XPNPEP1: variants seen among roughly 807,000 people sequenced by gnomAD.
The protein encoded by XPNPEP1 is xaa-Pro aminopeptidase 1.
In XPNPEP1, 39 loss-of-function variants were observed where a neutral mutation model predicts 92.4. The ratio of observed to expected loss-of-function variants is 0.42; its 90% confidence interval spans 0.33 to 0.55. The LOEUF is 0.55. Ranked by LOEUF, XPNPEP1 falls within the 20% of genes least tolerant of loss-of-function variation. The pLI is 0.08. For missense variants in XPNPEP1, 654 were observed against 856.1 expected, an observed-to-expected ratio of 0.76 and a Z score of 2.95; for synonymous variants, 307 against 299.4, an observed-to-expected ratio of 1.03 and a Z score of -0.26.
chr10:109,886,141 A>T, intron 8 of XPNPEP1, 105 bp downstream of exon 8: 1 of 1,129,496 alleles, frequency 8.9e-7, no homozygotes, highest in Non-Finnish European at 1.3e-6. Flanking sequence ...TCTTCTTCTT[A>T]TTCCCTGGCC....
chr10:109,920,766 A>C (rs1850495258), intron 1 of XPNPEP1, among the ~76,000 whole-genome samples: 1 of 152,054 alleles, frequency 6.6e-6, no homozygotes, highest in African/African-American at 2.4e-5. Context: ...GTCTGGTCTC[A>C]AACTCCTGGC....
Position 109,865,289 on chromosome 10 carries a change from G to C in XPNPEP1, c.1896C>G (p.His632Gln). 6.2e-7 allele frequency: 1 copy of C among 1,614,194 alleles called. No homozygotes were observed. Among genetic ancestry groups the C allele is most frequent in the Non-Finnish European group, 8.5e-7 (1 of 1,180,038 alleles). The change falls in exon 21 of 21, where the codon CAC becomes CAG. Residue 632 changes from histidine (H) to glutamine (Q), a missense_variant. Physicochemically the swap from His to Gln is conservative, Grantham distance 24. Coordinates refer to ENST00000502935, the MANE Select transcript of XPNPEP1 (RefSeq NM_020383.4). ...DKECDWLNNY[H>Q]LTCRDVIGKE... ...TCCCAATCACATCCCTGCAGGTCAG[G>C]TGGTAATTGTTGAGCCAGTCGCACT...
intron 3 of XPNPEP1, among the ~76,000 whole-genome samples, chr10:109,900,898 T>C (rs1308255668): frequency 6.6e-6 from 1 of 152,194 alleles, no homozygotes; most frequent in Non-Finnish European, 1.5e-5. Flanking sequence ...ACCCATGGTA[T>C]TTCTTACCAT....
rs770175349 is a variant in XPNPEP1 at position 109,877,807 on chromosome 10, G to A, written c.1302C>T (p.Gly434=). The A allele has an allele frequency of 2.3e-5, 37 of 1,614,232 alleles. 1 individual carries two copies. The South Asian group carries it at 2.4e-4, about 11-fold the overall frequency. ...TGCCTTACGCGTAGTGAATGATGGC[G>A]CCGTTGGGTCCCGTACTGGAAATTG... ...FPTISSTGPN[G]AIIHYAPVPE... Residue 434 remains glycine, a synonymous_variant, in exon 14 of 21, where the codon GGC becomes GGT. Transcript: ENST00000502935.
chr10:109,884,166 A>G lies in XPNPEP1; in HGVS notation c.749-18T>C. On this transcript the variant is annotated intron_variant, in intron 8 of 20. Transcript: ENST00000502935. ...AAATAGCCCTAGAAAAGAAATCAAA[A>G]TCCCTGTCACCTGTCTGACTTAAGA... 6.2e-7 allele frequency: 1 copy of G among 1,611,866 alleles called. No individual in the cohort carries two copies.
intron 3 of XPNPEP1, among the ~76,000 whole-genome samples, chr10:109,906,156 C>A (rs1849547761): frequency 6.6e-6 from 1 of 152,106 alleles, no homozygotes; most frequent in Non-Finnish European, 1.5e-5. Flanking sequence ...GACTGGTGGA[C>A]CCCCATTACT....
Position 109,865,021 on chromosome 10 carries a change from TA to T in XPNPEP1, c.*162del. On this transcript the variant is annotated 3_prime_UTR_variant, in exon 21 of 21. Transcript: ENST00000502935. ...ATCATAAAAGACTGAGTGTTTGCAA[TA>T]AAATATCAAAGAGGATAAGAAGATT... 1 of 1,025,622 alleles carries T rather than the reference TA, an allele frequency of 9.8e-7. No homozygotes were observed. Among genetic ancestry groups the T allele is most frequent in the Non-Finnish European group, 1.4e-6 (1 of 717,936 alleles). The allele number at this position is 1,025,622 out of a possible 1,614,324, so 63.5% of individuals were successfully genotyped here.
chr10:109,870,812 T>A lies in XPNPEP1; in HGVS notation c.1615A>T (p.Asn539Tyr), dbSNP rs556970182. The change falls in exon 18 of 21, where the codon AAT (asparagine) becomes TAT (tyrosine). Residue 539 changes from asparagine to tyrosine, a missense_variant. Physicochemically the swap from Asn to Tyr is moderately radical, Grantham distance 143. Transcript: ENST00000502935. The part of the protein sequence containing the change: ...GTGHGVGSFL[N>Y]VHEGPCGISY... ...ATGCCGCAAGGACCCTCATGGACAT[T>A]CAAAAAAGACCCAACACCATGTCCA... The A allele has an allele frequency of 6.4e-5, 103 of 1,613,992 alleles. 2 individuals are homozygous for A. The South Asian group carries it at 1.0e-3, about 16-fold the overall frequency.
intron 1 of XPNPEP1, among the ~76,000 whole-genome samples, chr10:109,917,558 T>C (rs757670555): frequency 6.6e-6 from 1 of 152,206 alleles, no homozygotes; most frequent in Admixed American, 6.5e-5. Flanking sequence ...ATTCCCAAAT[T>C]GATCTATGGA....
intron 3 of XPNPEP1, among the ~76,000 whole-genome samples, chr10:109,898,298 C>G (rs1000650785): frequency 2.0e-5 from 3 of 152,212 alleles, no homozygotes; most frequent in African/African-American, 7.2e-5. Flanking sequence ...ATCTGATGAA[C>G]TGCAGCACTT....
At chr10:109,866,757 A>G (rs1041261734) in intron 20 of XPNPEP1, among the ~76,000 whole-genome samples, 10 of 152,396 alleles carry the variant, frequency 6.6e-5, no homozygotes, top group Non-Finnish European at 1.0e-4. Flanking sequence ...GCTAAATAGT[A>G]AAGGGCAAAT....
intron 1 of XPNPEP1, among the ~76,000 whole-genome samples, chr10:109,922,354 C>G (rs1385183410): frequency 1.3e-5 from 2 of 152,204 alleles, no homozygotes; most frequent in African/African-American, 4.8e-5. Context: ...AGGCCTACAG[C>G]CTAACTCATC....
At chr10:109,869,874 A>C in intron 19 of XPNPEP1, 79 bp downstream of exon 19, 1 of 1,393,460 alleles carries the variant, frequency 7.2e-7, no homozygotes, top group South Asian at 1.2e-5. Context: ...GCGCAGTGGC[A>C]GTATTGTAGC....
chr10:109,908,810 G>A (rs1849697277), intron 2 of XPNPEP1, among the ~76,000 whole-genome samples: 1 of 152,140 alleles, frequency 6.6e-6, no homozygotes, highest in Non-Finnish European at 1.5e-5. Context: ...CTTTAAAAGA[G>A]TATGTTTTAT....
At chr10:109,868,758 T>C in intron 19 of XPNPEP1, 46 bp from the exon 20 acceptor site, 1 of 1,557,320 alleles carries the variant, frequency 6.4e-7, no homozygotes, top group Non-Finnish European at 8.9e-7. Flanking sequence ...CTCTTTACTA[T>C]GCTGAAGCAC....
intron 10 of XPNPEP1, 46 bp from the exon 11 acceptor site, chr10:109,880,977 C>A: frequency 6.4e-7 from 1 of 1,564,694 alleles, no homozygotes; most frequent in South Asian, 1.1e-5. Context: ...CGGCTCCACC[C>A]ACCCAAGACC....
chr10:109,920,334 TGAATTGTACATTTTAACA>T (rs1250646075), intron 1 of XPNPEP1, among the ~76,000 whole-genome samples: 1 of 152,188 alleles, frequency 6.6e-6, no homozygotes, highest in Non-Finnish European at 1.5e-5. Flanking sequence ...ACTAATAACT[TGAATTGTACATTTTAACA>T]GATGAATTGT....
chr10:109,901,874 T>A (rs1256812683), intron 3 of XPNPEP1, among the ~76,000 whole-genome samples: 1 of 152,242 alleles, frequency 6.6e-6, no homozygotes, highest in African/African-American at 2.4e-5. Context: ...AAACTTCCCA[T>A]ATTTGAAACC....
At chr10:109,887,334 C>T (rs532405796) in intron 7 of XPNPEP1, among the ~76,000 whole-genome samples, 1 of 152,304 alleles carries the variant, frequency 6.6e-6, no homozygotes, top group African/African-American at 2.4e-5. Context: ...GCTGGGGCTG[C>T]CCCCACACCC....
Sources: allele counts gnomAD v4.1 joint callset (sites outside exome capture counted in the v4.1 genomes callset), GRCh38; gene constraint gnomAD v4.1.1; transcripts MANE v1.5; gene names NCBI Gene and HGNC (gene_info 2026-07-23, HGNC 2026-07-21).